The following ZBTB7C variants were observed in gnomAD, a reference collection of about 807,000 sequenced individuals.
The protein encoded by ZBTB7C is zinc finger and BTB domain-containing protein 7C.
Under a neutral mutation model 25.7 loss-of-function variants are expected in ZBTB7C, and 8 were observed. The ratio of observed to expected loss-of-function variants is 0.31; its 90% CI spans 0.18 to 0.56. The LOEUF (loss-of-function observed/expected upper bound fraction) is 0.56, where lower values mean the gene tolerates loss of function less well. ZBTB7C is among the 20% of genes least tolerant of loss of function. The pLI is 0.91. For missense variants in ZBTB7C, 824 were observed against 855.2 expected (o/e 0.96, Z 0.46); for synonymous variants, 394 against 369.0 (o/e 1.07, Z -0.78).
chr18:48,143,298 CCTCCAGCAGGGTCACCGGCACTTA>C (rs2040404601), intron 3 of ZBTB7C, among the ~76,000 whole-genome samples: 2 of 152,048 alleles, frequency 1.3e-5, no homozygotes, highest in African/African-American at 2.4e-5. Flanking sequence ...CTTTTTTCTT[CCTCCAGCAGGGTCACCGGCACTTA>C]CCTCCAAAGC....
At chr18:48,268,287 T>C (rs1004650822) in intron 2 of ZBTB7C, among the ~76,000 whole-genome samples, 3 of 152,216 alleles carry the variant, frequency 2.0e-5, no homozygotes, top group African/African-American at 4.8e-5. Flanking sequence ...AAATTTTGCA[T>C]GAGACACTTG....
At chr18:48,141,146 A>G (rs5824735) in intron 3 of ZBTB7C, among the ~76,000 whole-genome samples, 1 of 81,668 alleles carries the variant, frequency 1.2e-5, no homozygotes, top group African/African-American at 4.2e-5. Flanking sequence ...CCCCCGCACC[A>G]CCCCCCCCAC....
intron 3 of ZBTB7C, among the ~76,000 whole-genome samples, chr18:48,051,069 C>A (rs999023067): frequency 6.6e-6 from 1 of 152,166 alleles, no homozygotes; most frequent in Non-Finnish European, 1.5e-5. Context: ...CTGTATGAGG[C>A]TGTATCCCCT....
At position 48,040,174 on chromosome 18, in the gene ZBTB7C, C is replaced by G; in HGVS notation, c.934G>C (p.Asp312His). Residue 312 changes from aspartate (D) to histidine (H), a missense_variant, in exon 4 of 5, where the codon GAC (aspartate) becomes CAC (histidine). Coordinates refer to ENST00000590800, the MANE Select transcript of ZBTB7C (RefSeq NM_001318841.2). Reference sequence around the variant, plus strand: ...CCCCCCGGCAGGTCAGGGAACATGTCCTTGAAGAAGTCATTAGGGAAGGGT... The same window carrying G: ...CCCCCCGGCAGGTCAGGGAACATGTGCTTGAAGAAGTCATTAGGGAAGGGT... ...PPPFPNDFFKDMFPDLPGGPL... is the reference protein window; with the variant it reads ...PPPFPNDFFKHMFPDLPGGPL... 2 of 1,577,168 alleles carry G rather than the reference C, an allele frequency of 1.3e-6. No homozygotes were observed. Among genetic ancestry groups the G allele is most frequent in the Non-Finnish European group, 1.7e-6 (2 of 1,162,594 alleles).
rs1438084435 is a variant in ZBTB7C, at chr18:48,028,278, A to G, written c.*982T>C. On this transcript the variant is annotated 3_prime_UTR_variant, in exon 5 of 5. Coordinates refer to ENST00000590800, the MANE Select transcript of ZBTB7C (RefSeq NM_001318841.2). ...TGGAGGGGGCACTGGAGATGGGGGTAAACATTAAATAGCGCCCCCAGGAGT... is the reference window on the plus strand; with the variant it reads ...TGGAGGGGGCACTGGAGATGGGGGTGAACATTAAATAGCGCCCCCAGGAGT... 1.3e-5 allele frequency: 2 copies of G among 152,218 alleles called. No individual in the cohort carries two copies. The highest frequency in any genetic ancestry group is 2.9e-5 in the Non-Finnish European group (2 of 68,110). The allele number at this position is 152,218 out of a possible 1,614,324, so 9.4% of individuals were successfully genotyped here. A position where few individuals can be genotyped will look rare whatever the true frequency, so the allele number is the denominator to read the frequency against.
At chr18:48,286,272 GTTCT>G (rs2045051379) in intron 2 of ZBTB7C, among the ~76,000 whole-genome samples, 1 of 148,174 alleles carries the variant, frequency 6.7e-6, no homozygotes, top group East Asian at 2.0e-4. Flanking sequence ...GTGTGTATTA[GTTCT>G]TTGTCAGCTG....
chr18:48,405,037 C>T (rs377557320), intron 1 of ZBTB7C, among the ~76,000 whole-genome samples: 7 of 152,160 alleles, frequency 4.6e-5, no homozygotes, highest in African/African-American at 7.2e-5. Context: ...TTCTGATGGG[C>T]GGATCAATTC....
chr18:48,343,522 C>G (rs993668749), intron 1 of ZBTB7C, among the ~76,000 whole-genome samples: 1 of 152,194 alleles, frequency 6.6e-6, no homozygotes, highest in Non-Finnish European at 1.5e-5. Context: ...TTAGCCCACA[C>G]TCTGGAGGCC....
intron 3 of ZBTB7C, among the ~76,000 whole-genome samples, chr18:48,108,942 TG>T (rs2039133510): frequency 6.6e-6 from 1 of 151,156 alleles, no homozygotes; most frequent in South Asian, 2.1e-4. Flanking sequence ...TATGAAAAAG[TG>T]GGGAGAGTGG....
chr18:48,107,044 C>T (rs551191885), intron 3 of ZBTB7C, among the ~76,000 whole-genome samples: 8 of 148,046 alleles, frequency 5.4e-5, no homozygotes, highest in East Asian at 4.0e-4. Flanking sequence ...TATCAGGATG[C>T]GGAGTTTACC....
intron 3 of ZBTB7C, among the ~76,000 whole-genome samples, chr18:48,135,610 TC>T (rs1452536146): frequency 6.6e-6 from 1 of 152,116 alleles, no homozygotes; most frequent in African/African-American, 2.4e-5. Flanking sequence ...TACTTTTCTT[TC>T]CTGGAGTTTC....
intron 3 of ZBTB7C, among the ~76,000 whole-genome samples, chr18:48,136,088 C>T (rs1397694377): frequency 6.9e-6 from 1 of 145,554 alleles, no homozygotes; most frequent in African/African-American, 2.8e-5. Context: ...GGGCGGCGGG[C>T]AGGGGGGCGT....
chr18:48,263,054 C>G (rs1427316445), intron 2 of ZBTB7C, among the ~76,000 whole-genome samples: 1 of 152,226 alleles, frequency 6.6e-6, no homozygotes, highest in Non-Finnish European at 1.5e-5. Flanking sequence ...CCTCTCTGGC[C>G]TAGAGTGGCC....
chr18:48,343,773 A>G (rs1195770575), intron 1 of ZBTB7C, among the ~76,000 whole-genome samples: 1 of 151,950 alleles, frequency 6.6e-6, no homozygotes, highest in African/African-American at 2.4e-5. Context: ...TGGATTTTGG[A>G]ACTTCCTTAA....
At chr18:48,298,968 C>T (rs2045471593) in intron 2 of ZBTB7C, among the ~76,000 whole-genome samples, 1 of 152,194 alleles carries the variant, frequency 6.6e-6, no homozygotes, top group Admixed American at 6.5e-5. Flanking sequence ...GCACAGAAGC[C>T]TTCCAGGCCC....
chr18:48,323,294 C>G (rs1224311315), intron 2 of ZBTB7C, among the ~76,000 whole-genome samples: 1 of 152,234 alleles, frequency 6.6e-6, no homozygotes, highest in African/African-American at 2.4e-5. Context: ...GTGTCACCCT[C>G]TGGCCAATAT....
At chr18:48,356,233 A>G (rs564802747) in intron 1 of ZBTB7C, among the ~76,000 whole-genome samples, 1 of 152,254 alleles carries the variant, frequency 6.6e-6, no homozygotes, top group East Asian at 1.9e-4. Context: ...ATCCCCAGGT[A>G]TTTCTCAGGC....
chr18:48,119,522 A>G (rs958191751), intron 3 of ZBTB7C, among the ~76,000 whole-genome samples: 4 of 152,206 alleles, frequency 2.6e-5, no homozygotes, highest in African/African-American at 7.2e-5. Context: ...GAATGGGGGC[A>G]TTTCTCATTT....
At chr18:48,239,413 A>G (rs1220226928) in intron 2 of ZBTB7C, among the ~76,000 whole-genome samples, 1 of 152,178 alleles carries the variant, frequency 6.6e-6, no homozygotes, top group Non-Finnish European at 1.5e-5. Context: ...CCAGCATTCG[A>G]GAAAGCCAGT....
Sources: allele counts gnomAD v4.1 joint callset (sites outside exome capture counted in the v4.1 genomes callset), GRCh38; gene constraint gnomAD v4.1.1; transcripts MANE v1.5; gene names NCBI Gene and HGNC (gene_info 2026-07-23, HGNC 2026-07-21).